Variants in WWOX observed in about 807,000 individuals in gnomAD.
WWOX encodes the protein WW domain-containing oxidoreductase.
WWOX carries 69 observed loss-of-function variants against 46.2 expected under a neutral mutation model. The observed-to-expected ratio is 1.49, with a 90% CI of 1.23 to 1.82. The LOEUF (loss-of-function observed/expected upper bound fraction) is 1.82, where lower values mean the gene tolerates loss of function less well. Ranked by LOEUF, WWOX falls within the 40% of genes most tolerant of loss-of-function variation. WWOX has a pLI of 0.00. For synonymous variants in WWOX, 359 were observed against 202.6 expected (o/e 1.77, Z -6.56); for missense variants, 919 against 542.6 (o/e 1.69, Z -6.89).
chr16:78,947,007 C>T (rs909867994), intron 8 of WWOX, among the ~76,000 whole-genome samples: 2 of 151,598 alleles, frequency 1.3e-5, no homozygotes, highest in South Asian at 2.1e-4. Context: ...ACTTTGTTCC[C>T]CCTCAGTCTT....
chr16:78,810,469 G>A (rs571184349), intron 8 of WWOX, among the ~76,000 whole-genome samples: 72 of 152,280 alleles, frequency 4.7e-4, no homozygotes, highest in African/African-American at 1.6e-3. Flanking sequence ...ACATCCCTAG[G>A]AAGTATTATG....
chr16:79,071,941 C>G (rs146637810), intron 8 of WWOX, among the ~76,000 whole-genome samples: 3 of 152,108 alleles, frequency 2.0e-5, no homozygotes, highest in Non-Finnish European at 4.4e-5. Flanking sequence ...AGCTGGCTCA[C>G]TTGTTCATTC....
chr16:78,591,143 C>G (rs1319927677), intron 8 of WWOX, among the ~76,000 whole-genome samples: 1 of 152,082 alleles, frequency 6.6e-6, no homozygotes, highest in Admixed American at 6.5e-5. Flanking sequence ...CTCAGTTTCA[C>G]CCCCCTTTCT....
At chr16:78,810,393 CA>C (rs2051156679) in intron 8 of WWOX, among the ~76,000 whole-genome samples, 1 of 152,154 alleles carries the variant, frequency 6.6e-6, no homozygotes, top group Non-Finnish European at 1.5e-5. Context: ...TTGTTTTTAA[CA>C]TTTGAGAATG....
rs542697246 is a variant in WWOX, at chr16:78,842,959, C to T, written c.1057-368649C>T. On this transcript the variant is annotated intron_variant, in intron 8 of 8. Coordinates refer to ENST00000566780, the MANE Select transcript of WWOX (RefSeq NM_016373.4). ...AAGAAATCTAATTTAGAAAAATGCACGCACCCACAGGCACGCTTCACAGGA... is the reference window on the plus strand; with the variant it reads ...AAGAAATCTAATTTAGAAAAATGCATGCACCCACAGGCACGCTTCACAGGA... Among the ~76,000 whole-genome samples the T allele has an allele frequency of 1.7e-4, 25 of 150,192 alleles. 3 individuals carry two copies. Among genetic ancestry groups the T allele is most frequent in the African/African-American group, 3.1e-4 (13 of 41,394 alleles).
chr16:78,519,177 C>G (rs982601843), intron 8 of WWOX, among the ~76,000 whole-genome samples: 4 of 152,134 alleles, frequency 2.6e-5, no homozygotes, highest in African/African-American at 7.2e-5. Context: ...GATCTCATCT[C>G]TAAAACGAGG....
chr16:78,547,275 G>A (rs966785501), intron 8 of WWOX, among the ~76,000 whole-genome samples: 1 of 151,770 alleles, frequency 6.6e-6, no homozygotes, highest in Non-Finnish European at 1.5e-5. Context: ...GCGTACATCA[G>A]CTCTTTCAAA....
intron 8 of WWOX, among the ~76,000 whole-genome samples, chr16:79,005,292 T>C (rs555866400): frequency 7.9e-4 from 121 of 152,254 alleles, no homozygotes; most frequent in African/African-American, 2.7e-3. Context: ...TGATGACCCC[T>C]GGGAGGAGAT....
intron 8 of WWOX, among the ~76,000 whole-genome samples, chr16:78,570,523 A>G (rs62034033): frequency 0.019 from 2,949 of 152,092 alleles, 47 homozygotes; most frequent in Non-Finnish European, 0.031. Flanking sequence ...CTTGTTGCTC[A>G]GGCTGGTCTC....
intron 5 of WWOX, among the ~76,000 whole-genome samples, chr16:78,364,431 G>C (rs2081485270): frequency 6.7e-6 from 1 of 148,532 alleles, no homozygotes; most frequent in Admixed American, 6.8e-5. Context: ...GTACTGTTGA[G>C]CCTGCATGTA....
At chr16:79,184,074 A>C (rs1175860572) in intron 8 of WWOX, among the ~76,000 whole-genome samples, 3 of 152,232 alleles carry the variant, frequency 2.0e-5, no homozygotes, top group Non-Finnish European at 2.9e-5. Flanking sequence ...CATTGTCAAA[A>C]GGACTCAAAA....
intron 8 of WWOX, among the ~76,000 whole-genome samples, chr16:78,776,440 A>G (rs1271018509): frequency 6.6e-6 from 1 of 152,148 alleles, no homozygotes. Flanking sequence ...CATCTGTAAA[A>G]TGGGGATTCC....
chr16:79,058,882 G>C (rs563068115), intron 8 of WWOX, among the ~76,000 whole-genome samples: 51 of 152,292 alleles, frequency 3.3e-4, no homozygotes, highest in African/African-American at 1.2e-3. Flanking sequence ...AGAAGAACCA[G>C]AGAAGGACTT....
chr16:78,313,903 T>C (rs1318010377), intron 5 of WWOX, among the ~76,000 whole-genome samples: 1 of 152,178 alleles, frequency 6.6e-6, no homozygotes, highest in Non-Finnish European at 1.5e-5. Context: ...TTGTCCAGTC[T>C]TAGAGTGATT....
intron 6 of WWOX, among the ~76,000 whole-genome samples, chr16:78,395,866 C>T (rs1376837837): frequency 6.6e-6 from 1 of 152,046 alleles, no homozygotes; most frequent in Non-Finnish European, 1.5e-5. Flanking sequence ...GGAGTAAATG[C>T]TTAGATTCCA....
intron 8 of WWOX, among the ~76,000 whole-genome samples, chr16:78,591,322 A>C (rs963346526): frequency 6.6e-6 from 1 of 152,148 alleles, no homozygotes; most frequent in Non-Finnish European, 1.5e-5. Context: ...AACTGTATCA[A>C]ATTTACATAG....
At chr16:79,145,014 C>T (rs2050158982) in intron 8 of WWOX, among the ~76,000 whole-genome samples, 1 of 152,128 alleles carries the variant, frequency 6.6e-6, no homozygotes, top group Admixed American at 6.6e-5. Context: ...ATCCCCTGTG[C>T]AGAAGCGGAG....
At chr16:78,151,043 A>ACT (rs2034386941) in intron 4 of WWOX, among the ~76,000 whole-genome samples, 1 of 140,900 alleles carries the variant, frequency 7.1e-6, no homozygotes, top group African/African-American at 2.6e-5. Context: ...GTGCTCCACA[A>ACT]TTTTTTTTTT....
At chr16:78,539,248 T>A (rs1296643938) in intron 8 of WWOX, among the ~76,000 whole-genome samples, 1 of 152,232 alleles carries the variant, frequency 6.6e-6, no homozygotes, top group Non-Finnish European at 1.5e-5. Flanking sequence ...AGTAATTAGA[T>A]GCACAGACAA....
Sources: allele counts gnomAD v4.1 joint callset (sites outside exome capture counted in the v4.1 genomes callset), GRCh38; gene constraint gnomAD v4.1.1; transcripts MANE v1.5; gene names NCBI Gene and HGNC (gene_info 2026-07-23, HGNC 2026-07-21).